The following THRB variants were observed in gnomAD, a reference collection of about 807,000 sequenced individuals.
The protein encoded by THRB is thyroid hormone receptor beta.
In THRB, 12 loss-of-function variants were observed where a neutral mutation model predicts 47.8. That is an observed-to-expected ratio of 0.25 (90% CI 0.16 to 0.41). The LOEUF (loss-of-function observed/expected upper bound fraction) is 0.41. THRB is among the 10% of genes least tolerant of loss of function. The probability of loss-of-function intolerance (pLI) is 1.00; values close to 1 mark genes in which losing one functional copy is unlikely to be tolerated. For missense variants in THRB, 348 were observed against 589.2 expected (o/e 0.59, Z 4.24); for synonymous variants, 218 against 212.2 (o/e 1.03, Z -0.24).
intron 1 of THRB, among the ~76,000 whole-genome samples, chr3:24,356,453 G>A (rs1434779524): frequency 6.6e-6 from 1 of 152,138 alleles, no homozygotes; most frequent in Admixed American, 6.5e-5. Flanking sequence ...TAGTTCTATG[G>A]TCCAGGCCAG....
At chr3:24,288,456 T>C (rs530622188) in intron 3 of THRB, among the ~76,000 whole-genome samples, 34 of 152,332 alleles carry the variant, frequency 2.2e-4, no homozygotes, top group African/African-American at 7.7e-4. Flanking sequence ...CTGTCTACTT[T>C]CTGTGAGTAT....
At chr3:24,264,178 C>A (rs554518739) in intron 3 of THRB, among the ~76,000 whole-genome samples, 12 of 152,222 alleles carry the variant, frequency 7.9e-5, no homozygotes, top group African/African-American at 2.2e-4. Context: ...TCACAGACCT[C>A]CTTCTTTTCC....
chr3:24,152,779 G>C (rs1490852019), intron 5 of THRB, among the ~76,000 whole-genome samples: 1 of 151,844 alleles, frequency 6.6e-6, no homozygotes, highest in African/African-American at 2.4e-5. Context: ...TGGCCAACAT[G>C]GCAAAACCCT....
At chr3:24,414,463 T>C (rs560899481) in intron 1 of THRB, among the ~76,000 whole-genome samples, 10 of 151,978 alleles carry the variant, frequency 6.6e-5, no homozygotes, top group South Asian at 2.1e-4. Flanking sequence ...AGGGAAAATA[T>C]GCTTAAACAC....
chr3:24,332,217 A>G (rs1290261110), intron 2 of THRB, among the ~76,000 whole-genome samples: 1 of 152,216 alleles, frequency 6.6e-6, no homozygotes, highest in Non-Finnish European at 1.5e-5. Context: ...GCTGTTGTCT[A>G]GAATTTATAC....
chr3:24,437,363 G>C (rs986103197), intron 1 of THRB, among the ~76,000 whole-genome samples: 2 of 151,970 alleles, frequency 1.3e-5, no homozygotes, highest in African/African-American at 4.8e-5. Flanking sequence ...CAGCAGATTG[G>C]TGGTTCCCAG....
chr3:24,395,677 C>T (rs552559971), intron 1 of THRB, among the ~76,000 whole-genome samples: 31 of 152,126 alleles, frequency 2.0e-4, no homozygotes, highest in Non-Finnish European at 3.7e-4. Context: ...ATGCAAATGG[C>T]GCAACCACTT....
At chr3:24,203,692 C>T (rs1333689583) in intron 4 of THRB, among the ~76,000 whole-genome samples, 1 of 152,144 alleles carries the variant, frequency 6.6e-6, no homozygotes, top group Admixed American at 6.5e-5. Flanking sequence ...TGAGTGTGAG[C>T]CGAAGCAGGG....
chr3:24,387,821 A>T (rs1416239409), intron 1 of THRB, among the ~76,000 whole-genome samples: 2 of 152,102 alleles, frequency 1.3e-5, no homozygotes, highest in East Asian at 1.9e-4. Context: ...ATCCTGTTCC[A>T]CTAGCTTCTG....
chr3:24,436,498 C>T (rs1177481621), intron 1 of THRB, among the ~76,000 whole-genome samples: 1 of 152,160 alleles, frequency 6.6e-6, no homozygotes, highest in Non-Finnish European at 1.5e-5. Context: ...CAAATGCACA[C>T]ACACTTCTCT....
intron 1 of THRB, among the ~76,000 whole-genome samples, chr3:24,453,541 G>A (rs2072877002): frequency 6.6e-6 from 1 of 152,118 alleles, no homozygotes. Context: ...AACAGCAAAG[G>A]TCTCCCAAGT....
At chr3:24,363,173 G>T (rs1023348408) in intron 1 of THRB, among the ~76,000 whole-genome samples, 3 of 152,040 alleles carry the variant, frequency 2.0e-5, no homozygotes, top group Non-Finnish European at 4.4e-5. Context: ...GTATTTCCTT[G>T]GGGGTAAATA....
chr3:24,384,846 G>T (rs1168829976), intron 1 of THRB, among the ~76,000 whole-genome samples: 1 of 152,128 alleles, frequency 6.6e-6, no homozygotes, highest in African/African-American at 2.4e-5. Flanking sequence ...AAGAGATATT[G>T]ACTGTGAAGA....
chr3:24,470,568 A>G (rs2074487439), intron 1 of THRB, among the ~76,000 whole-genome samples: 2 of 152,232 alleles, frequency 1.3e-5, no homozygotes, highest in African/African-American at 2.4e-5. Flanking sequence ...TGTTGGATAT[A>G]TAAAAGGATG....
At chr3:24,146,332 C>T (rs2036099048) in intron 7 of THRB, among the ~76,000 whole-genome samples, 2 of 152,194 alleles carry the variant, frequency 1.3e-5, no homozygotes, top group African/African-American at 4.8e-5. Context: ...GGTAAATGGA[C>T]CAGACCTCTC....
intron 2 of THRB, among the ~76,000 whole-genome samples, chr3:24,298,763 C>CTGCA (rs2056656822): frequency 6.6e-6 from 1 of 152,276 alleles, no homozygotes; most frequent in South Asian, 2.1e-4. Context: ...CCCTCCATTG[C>CTGCA]TGCATGCACA....
intron 2 of THRB, among the ~76,000 whole-genome samples, chr3:24,307,567 A>T (rs2149164658): frequency 6.6e-6 from 1 of 152,292 alleles, no homozygotes; most frequent in Non-Finnish European, 1.5e-5. Flanking sequence ...ATTGAAAGAT[A>T]TTTGGCTGAT....
intron 1 of THRB, among the ~76,000 whole-genome samples, chr3:24,357,516 A>G (rs1192994063): frequency 2.0e-5 from 3 of 152,018 alleles, no homozygotes; most frequent in Non-Finnish European, 4.4e-5. Context: ...GACCCTCATT[A>G]AAACCTTATT....
At chr3:24,225,359 A>G (rs1235430552) in intron 4 of THRB, among the ~76,000 whole-genome samples, 1 of 152,220 alleles carries the variant, frequency 6.6e-6, no homozygotes, top group Non-Finnish European at 1.5e-5. Flanking sequence ...ACCTTCCCAC[A>G]GTAGGGAAGC....
Sources: gnomAD v4.1 joint callset for allele counts (sites outside exome capture counted in the v4.1 genomes callset) on GRCh38, gnomAD v4.1.1 for gene constraint, MANE v1.5 for transcripts, NCBI Gene and HGNC (gene_info 2026-07-23, HGNC 2026-07-21) for gene names.